Variants in MCOLN3 observed in about 807,000 individuals in gnomAD.
The protein encoded by MCOLN3 is mucolipin-3.
MCOLN3 carries 62 observed loss-of-function variants against 69.4 expected under a neutral mutation model. The ratio of observed to expected loss-of-function variants is 0.89; its 90% CI spans 0.73 to 1.10. The LOEUF is 1.10. MCOLN3 is among the 50% of genes least tolerant of loss of function. The pLI, the probability that MCOLN3 is intolerant of heterozygous loss-of-function variation, is 0.00. For synonymous variants in MCOLN3, 183 were observed against 217.0 expected (o/e 0.84, Z 1.38); for missense variants, 564 against 656.4 (o/e 0.86, Z 1.54).
chr1:85,036,035 T>A (rs1652782430), intron 3 of MCOLN3, among the ~76,000 whole-genome samples: 1 of 152,204 alleles, frequency 6.6e-6, no homozygotes, highest in South Asian at 2.1e-4. Context: ...CTTTGTTTTG[T>A]ATTTCACAGT....
At chr1:85,048,227 C>T (rs1008692425) in intron 1 of MCOLN3, among the ~76,000 whole-genome samples, 169 bp downstream of exon 1, 6 of 152,006 alleles carry the variant, frequency 3.9e-5, no homozygotes, top group Admixed American at 1.3e-4. Flanking sequence ...AGCTGCATCT[C>T]GCGCCCAGCT....
chr1:85,045,184 T>C lies in MCOLN3; in HGVS notation c.177A>G (p.Lys59=), dbSNP rs763603423. 6.2e-7 allele frequency: 1 copy of C among 1,613,938 alleles called. No homozygotes were observed. The highest frequency in any genetic ancestry group is 1.3e-5 in the African/African-American group (1 of 74,922). Residue 59 remains lysine (K), a synonymous_variant, in exon 2 of 13, where the codon AAA becomes AAG. Coordinates refer to ENST00000370589, the MANE Select transcript of MCOLN3 (RefSeq NM_018298.11). ...GAATTTGTATGGCAAGTTTCCATGG[T>C]TTTCTACCTCGAGCCCAGAACTTCT... is the stretch of plus-strand genomic sequence containing the variant. ...PCEKFWARGR[K]PWKLAIQILK...
At chr1:85,025,756 GA>G (rs1379479263) in intron 9 of MCOLN3, 182 bp downstream of exon 9, 3 of 593,136 alleles carry the variant, frequency 5.1e-6, no homozygotes, top group African/African-American at 3.7e-5. Flanking sequence ...ATCACACTTT[GA>G]AAAACTCTGC....
chr1:85,048,385 C>G lies in MCOLN3; in HGVS notation c.-3+11G>C, dbSNP rs915597306. On this transcript the variant is annotated intron_variant, in intron 1 of 12. Coordinates refer to ENST00000370589, the MANE Select transcript of MCOLN3 (RefSeq NM_018298.11). Reference sequence around the variant, plus strand: ...CACCCGACGCCCCGGGGCAGCGCCCCGCGGGCTCACCTGGGGGACAGCGGG... The same window carrying G: ...CACCCGACGCCCCGGGGCAGCGCCCGGCGGGCTCACCTGGGGGACAGCGGG... 2.6e-5 allele frequency: 4 copies of G among 151,914 alleles called. No individual in the cohort carries two copies. Among genetic ancestry groups the G allele is most frequent in the African/African-American group, 9.7e-5 (4 of 41,408 alleles). 9.4% of individuals were successfully genotyped at this position (151,914 alleles called of 1,614,324 possible).
chr1:85,029,227 C>G, intron 6 of MCOLN3, 22 bp from the exon 7 acceptor site: 3 of 1,422,980 alleles, frequency 2.1e-6, no homozygotes, highest in Non-Finnish European at 3.0e-6. Flanking sequence ...GGAAAACAGT[C>G]AAAAACATAC....
intron 2 of MCOLN3, 86 bp from the exon 3 acceptor site, chr1:85,041,263 A>G (rs1312220191): frequency 1.9e-6 from 2 of 1,067,852 alleles, no homozygotes; most frequent in East Asian, 5.3e-5. Flanking sequence ...TGAACAACAA[A>G]TAGAAGAGTT....
intron 12 of MCOLN3, among the ~76,000 whole-genome samples, chr1:85,020,142 A>C (rs1199477615): frequency 3.9e-5 from 6 of 152,214 alleles, no homozygotes; most frequent in African/African-American, 1.4e-4. Flanking sequence ...TGAAGTTACA[A>C]CTACATTCTT....
intron 3 of MCOLN3, among the ~76,000 whole-genome samples, chr1:85,036,328 A>C (rs1329973102): frequency 1.3e-5 from 2 of 152,062 alleles, no homozygotes; most frequent in Non-Finnish European, 1.5e-5. Flanking sequence ...AGTAGCTGGG[A>C]GTACAGGCTC....
chr1:85,026,664 G>A (rs563348883), intron 7 of MCOLN3, among the ~76,000 whole-genome samples: 13 of 151,946 alleles, frequency 8.6e-5, no homozygotes, highest in African/African-American at 3.1e-4. Flanking sequence ...GGCTGAGGCA[G>A]CAGAATGGCG....
intron 7 of MCOLN3, among the ~76,000 whole-genome samples, chr1:85,027,552 T>C (rs1177964868): frequency 6.6e-6 from 1 of 152,180 alleles, no homozygotes; most frequent in Non-Finnish European, 1.5e-5. Context: ...TTGTTAGAGA[T>C]GCACATTCTC....
At chr1:85,037,924 C>G (rs1652873879) in intron 3 of MCOLN3, among the ~76,000 whole-genome samples, 1 of 152,206 alleles carries the variant, frequency 6.6e-6, no homozygotes. Context: ...TCATGGGTCC[C>G]AGGTCAGCCT....
intron 7 of MCOLN3, among the ~76,000 whole-genome samples, chr1:85,028,669 C>T (rs1652345511): frequency 6.6e-6 from 1 of 152,224 alleles, no homozygotes; most frequent in South Asian, 2.1e-4. Context: ...TGGGATGCTG[C>T]AGGGTCACAT....
At position 85,032,716 on chromosome 1, in the gene MCOLN3, A is replaced by G. The variant is rs774079492; in HGVS notation, c.712T>C (p.Cys238Arg). 3 of 1,613,720 alleles carry G rather than the reference A, an allele frequency of 1.9e-6. No homozygotes were observed. The South Asian group carries it at 3.3e-5, about 18-fold the overall frequency. The change falls in exon 6 of 13, where the codon TGT becomes CGT. Residue 238 changes from cysteine to arginine, a missense_variant. Physicochemically the swap from Cys to Arg is radical, Grantham distance 180 (BLOSUM62 -3). Coordinates refer to ENST00000370589, the MANE Select transcript of MCOLN3 (RefSeq NM_018298.11). ...QTVRHQELPD[C>R]YDFTLTITFD... is the part of the protein sequence containing the mutation. ...CTTACAGTCAGAGTAAAGTCATAAC[A>G]GTCAGGGAGTTCTTGATGACGAACT...
chr1:85,046,861 G>C (rs1222314909), intron 1 of MCOLN3, among the ~76,000 whole-genome samples: 1 of 152,174 alleles, frequency 6.6e-6, no homozygotes, highest in Non-Finnish European at 1.5e-5. Flanking sequence ...ACTCATTAAA[G>C]TGTGGCTCCT....
At chr1:85,034,851 G>A in intron 3 of MCOLN3, among the ~76,000 whole-genome samples, 1 of 152,112 alleles carries the variant, frequency 6.6e-6, no homozygotes, top group Non-Finnish European at 1.5e-5. Context: ...AATTCTTAAT[G>A]GATGTCTGCA....
At chr1:85,038,696 C>T (rs535063411) in intron 3 of MCOLN3, among the ~76,000 whole-genome samples, 3 of 152,242 alleles carry the variant, frequency 2.0e-5, no homozygotes, top group Non-Finnish European at 4.4e-5. Flanking sequence ...GTTTTAATAA[C>T]AATTTACATT....
At position 85,029,162 on chromosome 1, in the gene MCOLN3, CTTATT is replaced by C; in HGVS notation, c.771_775del (p.Ile258PhefsTer3). On this transcript the variant is annotated frameshift_variant, in exon 7 of 13. Transcript: ENST00000370589. LOFTEE classifies it high-confidence loss of function. ...TCTGATGGAAATGTCATTATCTAAA[CTTATT>C]TTAATTCTTCCACTATGGGCCTTGT... 1.2e-6 allele frequency: 2 copies of C among 1,607,660 alleles called. No homozygotes were observed. Among genetic ancestry groups the C allele is most frequent in the Non-Finnish European group, 1.7e-6 (2 of 1,174,282 alleles).
intron 7 of MCOLN3, among the ~76,000 whole-genome samples, chr1:85,027,300 T>C (rs1344712993): frequency 6.6e-6 from 1 of 152,206 alleles, no homozygotes; most frequent in Non-Finnish European, 1.5e-5. Flanking sequence ...ATTGAGCACA[T>C]TTCTTGCCAA....
chr1:85,034,029 G>A, intron 4 of MCOLN3, 69 bp downstream of exon 4: 1 of 1,502,816 alleles, frequency 6.7e-7, no homozygotes, highest in Non-Finnish European at 9.2e-7. Flanking sequence ...TTTCAAAGAT[G>A]AAATTACTAA....
Sources: gnomAD v4.1 joint callset for allele counts (sites outside exome capture counted in the v4.1 genomes callset) on GRCh38, gnomAD v4.1.1 for gene constraint, MANE v1.5 for transcripts, NCBI Gene and HGNC (gene_info 2026-07-23, HGNC 2026-07-21) for gene names.